Variants in PDE7A observed in about 807,000 individuals in gnomAD.
PDE7A encodes high affinity 3',5'-cyclic-AMP phosphodiesterase 7A.
Under a neutral mutation model 64.3 loss-of-function variants are expected in PDE7A, and 39 were observed. The ratio of observed to expected loss-of-function variants is 0.61; its 90% CI spans 0.47 to 0.79. The LOEUF is 0.79. Ranked by LOEUF, PDE7A falls within the 30% of genes least tolerant of loss-of-function variation. PDE7A has a pLI of 0.00. For synonymous variants in PDE7A, 203 were observed against 206.8 expected, an observed-to-expected ratio of 0.98 and a Z score of 0.16; for missense variants, 470 against 582.8, an observed-to-expected ratio of 0.81 and a Z score of 1.99.
At chr8:65,723,463 A>G (rs750523865) in intron 12 of PDE7A, 78 bp downstream of exon 12, 10 of 1,241,282 alleles carry the variant, frequency 8.1e-6, no homozygotes, top group African/African-American at 4.7e-5. Context: ...TTAATATTTT[A>G]TATTTCAAAT....
At chr8:65,810,245 G>A (rs2128929602) in intron 1 of PDE7A, among the ~76,000 whole-genome samples, 1 of 152,004 alleles carries the variant, frequency 6.6e-6, no homozygotes, top group Middle Eastern at 3.4e-3. Context: ...ACTATCGCAA[G>A]GACAGAAAAC....
chr8:65,720,419 A>G (rs970296747), intron 12 of PDE7A: 8 of 154,188 alleles, frequency 5.2e-5, no homozygotes, highest in African/African-American at 1.9e-4. Context: ...CGTTGCAGCA[A>G]AAGACCATGT....
At chr8:65,826,146 G>C (rs1007330231) in intron 1 of PDE7A, among the ~76,000 whole-genome samples, 3 of 152,218 alleles carry the variant, frequency 2.0e-5, no homozygotes, top group African/African-American at 7.2e-5. Context: ...CCAAGAGATT[G>C]AAGAGGTAGC....
chr8:65,729,881 ATTC>A (rs1254734126), intron 7 of PDE7A, among the ~76,000 whole-genome samples: 5 of 152,174 alleles, frequency 3.3e-5, no homozygotes, highest in African/African-American at 1.2e-4. Context: ...GTGAAGACAG[ATTC>A]TTGACACATT....
intron 3 of PDE7A, among the ~76,000 whole-genome samples, chr8:65,762,358 TG>T (rs1303254983): frequency 6.6e-6 from 1 of 152,150 alleles, no homozygotes; most frequent in Non-Finnish European, 1.5e-5. Flanking sequence ...CATGCATGAA[TG>T]AATAGGGGAA....
intron 6 of PDE7A, among the ~76,000 whole-genome samples, chr8:65,738,783 A>G (rs1266737386): frequency 6.6e-6 from 1 of 152,224 alleles, no homozygotes; most frequent in Non-Finnish European, 1.5e-5. Flanking sequence ...GGTCAGAAAA[A>G]GAAGAAACCT....
At chr8:65,816,805 T>A (rs1810415234) in intron 1 of PDE7A, among the ~76,000 whole-genome samples, 2 of 152,206 alleles carry the variant, frequency 1.3e-5, no homozygotes, top group South Asian at 2.1e-4. Context: ...TTTGACTATG[T>A]CTAGGCATGG....
At chr8:65,796,904 C>T (rs1809857972) in intron 1 of PDE7A, among the ~76,000 whole-genome samples, 1 of 152,004 alleles carries the variant, frequency 6.6e-6, no homozygotes, top group African/African-American at 2.4e-5. Flanking sequence ...GTCTTTTGTG[C>T]AGACAACATG....
chr8:65,835,687 G>GCT (rs1443076421), intron 1 of PDE7A, among the ~76,000 whole-genome samples: 1 of 152,186 alleles, frequency 6.6e-6, no homozygotes, highest in Non-Finnish European at 1.5e-5. Context: ...CCCAAAGTGA[G>GCT]CTCCCTCTCT....
intron 3 of PDE7A, among the ~76,000 whole-genome samples, chr8:65,775,658 C>G (rs533312700): frequency 6.6e-6 from 1 of 152,210 alleles, no homozygotes; most frequent in African/African-American, 2.4e-5. Flanking sequence ...GACGAAGTCT[C>G]GCTCTGTAGC....
At chr8:65,821,289 A>G (rs1432342215) in intron 1 of PDE7A, among the ~76,000 whole-genome samples, 1 of 152,214 alleles carries the variant, frequency 6.6e-6, no homozygotes, top group East Asian at 1.9e-4. Context: ...GCTTCCATTA[A>G]CCTAAAAATC....
chr8:65,826,579 A>C (rs948397849), intron 1 of PDE7A, among the ~76,000 whole-genome samples: 1 of 152,214 alleles, frequency 6.6e-6, no homozygotes, highest in Admixed American at 6.5e-5. Flanking sequence ...TCAAACCCCA[A>C]GAATGAAGGC....
At chr8:65,739,742 C>A (rs556370660) in intron 5 of PDE7A, 145 bp from the exon 6 acceptor site, 140 of 903,896 alleles carry the variant, frequency 1.5e-4, no homozygotes, top group Non-Finnish European at 2.0e-4. Context: ...CATCTTCTTA[C>A]CAGTTATGAA....
At chr8:65,767,730 C>G (rs76311198) in intron 3 of PDE7A, among the ~76,000 whole-genome samples, 1 of 152,106 alleles carries the variant, frequency 6.6e-6, no homozygotes, top group East Asian at 1.9e-4. Flanking sequence ...GGGTGGCGTC[C>G]CAGGGAAGGC....
intron 3 of PDE7A, among the ~76,000 whole-genome samples, chr8:65,759,829 C>A (rs1424936358): frequency 6.6e-6 from 1 of 151,836 alleles, no homozygotes; most frequent in South Asian, 2.1e-4. Flanking sequence ...CCAGAAACAA[C>A]CATTGTTAAC....
intron 1 of PDE7A, among the ~76,000 whole-genome samples, chr8:65,807,428 A>G (rs572320343): frequency 6.6e-6 from 1 of 152,340 alleles, no homozygotes; most frequent in Non-Finnish European, 1.5e-5. Flanking sequence ...AAATTTCTTT[A>G]GTAGATTCCT....
At chr8:65,806,310 T>C (rs140900408) in intron 1 of PDE7A, among the ~76,000 whole-genome samples, 82 of 152,338 alleles carry the variant, frequency 5.4e-4, no homozygotes, top group African/African-American at 1.9e-3. Flanking sequence ...ATATTCACTT[T>C]GTAAATTCAT....
intron 1 of PDE7A, among the ~76,000 whole-genome samples, chr8:65,800,259 T>G (rs899016969): frequency 6.6e-6 from 1 of 152,224 alleles, no homozygotes; most frequent in African/African-American, 2.4e-5. Context: ...CTTCCTGCAG[T>G]GCTTGGAGAA....
chr8:65,731,130 G>C lies in PDE7A; in HGVS notation c.696+3664C>G, dbSNP rs1806870694. 2.0e-5 allele frequency among the ~76,000 whole-genome samples: 3 copies of C among 152,190 alleles called. 1 individual carries two copies. The South Asian group carries it at 6.2e-4, about 32-fold the overall frequency. On this transcript the variant is annotated intron_variant, in intron 7 of 12. Transcript: ENST00000401827. The stretch of plus-strand genomic sequence containing the variant: ...GCCCTGGAGGCCTGACATTCCTGTG[G>C]TTTCCATGTCAGGTTCCCATATGTT...
Sources: gnomAD v4.1 joint callset for allele counts (sites outside exome capture counted in the v4.1 genomes callset) on GRCh38, gnomAD v4.1.1 for gene constraint, MANE v1.5 for transcripts, NCBI Gene and HGNC (gene_info 2026-07-23, HGNC 2026-07-21) for gene names.